The following CCDC170 variants were observed in gnomAD, a reference collection of about 807,000 sequenced individuals.
CCDC170 encodes the protein coiled-coil domain containing 170.
In CCDC170, 69 loss-of-function variants were observed where a neutral mutation model predicts 72.6. That is an observed-to-expected ratio of 0.95 (90% confidence interval 0.78 to 1.16). The LOEUF (loss-of-function observed/expected upper bound fraction) is 1.16, where lower values mean the gene tolerates loss of function less well. CCDC170 is among the 50% of genes most tolerant of loss of function. The pLI is 0.00. For synonymous variants in CCDC170, 300 were observed against 303.9 expected (o/e 0.99, Z 0.13); for missense variants, 852 against 832.5 (o/e 1.02, Z -0.29).
intron 1 of CCDC170, among the ~76,000 whole-genome samples, chr6:151,523,567 T>A (rs941033153): frequency 1.3e-5 from 2 of 151,514 alleles, no homozygotes; most frequent in Admixed American, 6.6e-5. Flanking sequence ...ACGCCTGTAA[T>A]CCCAGCTACT....
chr6:151,547,665 C>G (rs1782798820), intron 4 of CCDC170, among the ~76,000 whole-genome samples: 2 of 152,106 alleles, frequency 1.3e-5, no homozygotes, highest in Non-Finnish European at 1.5e-5. Context: ...CAGGCCTCCC[C>G]CTGGCCCTAC....
At chr6:151,521,039 CA>C (rs1019220730) in intron 1 of CCDC170, among the ~76,000 whole-genome samples, 3 of 152,160 alleles carry the variant, frequency 2.0e-5, no homozygotes, top group Non-Finnish European at 2.9e-5. Flanking sequence ...TGGGTGGTTA[CA>C]AAAATGGCTT....
intron 4 of CCDC170, among the ~76,000 whole-genome samples, chr6:151,545,695 T>A (rs1344902561): frequency 6.6e-6 from 1 of 152,120 alleles, no homozygotes; most frequent in Non-Finnish European, 1.5e-5. Context: ...AGTACAGTGA[T>A]ATGATCCTAG....
rs4242277 is a variant in CCDC170, at chr6:151,573,143, G to T, written c.775-31G>T. 1,410,290 of 1,581,324 alleles carry T rather than the reference G, an allele frequency of 0.89. 629,815 individuals are homozygous for T. The highest frequency in any genetic ancestry group is 1 in the East Asian group (44,425 of 44,588). ...AGGTGTACCCTGTTGACTTCTAATG[G>T]TATTGTCTTCACTTTCTGTAATCAT... On this transcript the variant is annotated intron_variant, in intron 5 of 10. Transcript: ENST00000239374.
At chr6:151,601,181 A>G (rs1338105971) in intron 9 of CCDC170, among the ~76,000 whole-genome samples, 2 of 152,212 alleles carry the variant, frequency 1.3e-5, no homozygotes, top group African/African-American at 2.4e-5. Context: ...AGAGAGAATG[A>G]GAGCCAAGTG....
At chr6:151,574,254 T>A (rs1011662129) in intron 6 of CCDC170, among the ~76,000 whole-genome samples, 10 of 152,210 alleles carry the variant, frequency 6.6e-5, no homozygotes, top group African/African-American at 2.2e-4. Flanking sequence ...AATTTCCATT[T>A]TAATGGAAAG....
intron 1 of CCDC170, among the ~76,000 whole-genome samples, chr6:151,527,413 C>G (rs966037688): frequency 1.3e-5 from 2 of 151,994 alleles, no homozygotes; most frequent in Admixed American, 1.3e-4. Flanking sequence ...TCTAGTGGGC[C>G]CCAGAAACCA....
chr6:151,525,686 C>T (rs9383917), intron 1 of CCDC170, among the ~76,000 whole-genome samples: 23,847 of 152,134 alleles, frequency 0.16, 2,319 homozygotes, highest in East Asian at 0.49. Flanking sequence ...GGACTCAGCC[C>T]GCCTGCACCC....
At chr6:151,599,816 AG>A (rs1776677561) in intron 9 of CCDC170, among the ~76,000 whole-genome samples, 1 of 152,198 alleles carries the variant, frequency 6.6e-6, no homozygotes, top group South Asian at 2.1e-4. Flanking sequence ...TCTGAGAATA[AG>A]TCAGATTTCA....
intron 9 of CCDC170, among the ~76,000 whole-genome samples, chr6:151,614,550 G>A (rs1206030977): frequency 6.6e-6 from 1 of 151,902 alleles, no homozygotes; most frequent in African/African-American, 2.4e-5. Flanking sequence ...TGCCTCCTGG[G>A]TTCAAGCAAT....
At chr6:151,584,009 T>A (rs145326850) in intron 6 of CCDC170, among the ~76,000 whole-genome samples, 30 of 152,290 alleles carry the variant, frequency 2.0e-4, no homozygotes, top group African/African-American at 6.7e-4. Context: ...ATAACAGATA[T>A]CATAGTAATG....
chr6:151,575,046 T>C (rs948979574), intron 6 of CCDC170, among the ~76,000 whole-genome samples: 11 of 152,198 alleles, frequency 7.2e-5, no homozygotes, highest in African/African-American at 2.4e-4. Flanking sequence ...GTTTCTACTA[T>C]CAAGAACTCT....
At chr6:151,548,131 A>C (rs771909648) in intron 4 of CCDC170, among the ~76,000 whole-genome samples, 173 bp from the exon 5 acceptor site, 2 of 152,210 alleles carry the variant, frequency 1.3e-5, no homozygotes, top group Non-Finnish European at 2.9e-5. Flanking sequence ...TTTGACCCCC[A>C]GGTCTAAAAC....
At chr6:151,614,332 C>A (rs1208690218) in intron 9 of CCDC170, among the ~76,000 whole-genome samples, 1 of 152,134 alleles carries the variant, frequency 6.6e-6, no homozygotes, top group Non-Finnish European at 1.5e-5. Flanking sequence ...TATGAATTAG[C>A]CTATTCTACG....
intron 1 of CCDC170, among the ~76,000 whole-genome samples, chr6:151,520,352 C>A (rs2115032900): frequency 6.6e-6 from 1 of 152,316 alleles, no homozygotes; most frequent in East Asian, 1.9e-4. Flanking sequence ...CCTGGGCAGA[C>A]AAATAATGAA....
At chr6:151,553,020 CAAG>C (rs756718542) in intron 5 of CCDC170, among the ~76,000 whole-genome samples, 1 of 152,036 alleles carries the variant, frequency 6.6e-6, no homozygotes, top group Non-Finnish European at 1.5e-5. Context: ...CTCCTGACTT[CAAG>C]TGATCCACCC....
intron 1 of CCDC170, among the ~76,000 whole-genome samples, chr6:151,535,911 AT>A (rs1186039251): frequency 6.6e-6 from 1 of 152,098 alleles, no homozygotes; most frequent in African/African-American, 2.4e-5. Flanking sequence ...TGCCTGACAA[AT>A]TAAAAAAAAT....
At chr6:151,500,210 GCT>G (rs60818462) in intron 1 of CCDC170, among the ~76,000 whole-genome samples, 7,150 of 142,380 alleles carry the variant, frequency 0.05, 347 homozygotes, top group East Asian at 0.21. Flanking sequence ...CTTCTGGTTT[GCT>G]CTGTTTTTTT....
intron 1 of CCDC170, among the ~76,000 whole-genome samples, chr6:151,534,368 T>TA (rs111382775): frequency 0.026 from 3,830 of 146,204 alleles, 147 homozygotes; most frequent in African/African-American, 0.083. Flanking sequence ...CTTCTTTTCT[T>TA]AAAAAAAAAA....
Sources: gnomAD v4.1 joint callset for allele counts (sites outside exome capture counted in the v4.1 genomes callset) on GRCh38, gnomAD v4.1.1 for gene constraint, MANE v1.5 for transcripts, NCBI Gene and HGNC (gene_info 2026-07-23, HGNC 2026-07-21) for gene names.